SHCBP1: variants seen among roughly 807,000 people sequenced by gnomAD.
SHCBP1 encodes SHC binding and spindle associated 1.
Under a neutral mutation model 75.1 loss-of-function variants are expected in SHCBP1, and 60 were observed. The ratio of observed to expected loss-of-function variants is 0.80; its 90% CI spans 0.65 to 0.99. The LOEUF is 0.99. Among genes scored for constraint, SHCBP1 ranks in the 50% least tolerant of loss-of-function variants. SHCBP1 has a pLI of 0.00. For missense variants in SHCBP1, 709 were observed against 809.4 expected (o/e 0.88, Z 1.50); for synonymous variants, 290 against 293.2 (o/e 0.99, Z 0.11).
intron 8 of SHCBP1, among the ~76,000 whole-genome samples, chr16:46,602,141 C>T (rs914908447): frequency 6.6e-6 from 1 of 152,188 alleles, no homozygotes; most frequent in Non-Finnish European, 1.5e-5. Context: ...AATTTCCTCA[C>T]CAATCTAGGA....
At chr16:46,606,355 C>CT (rs1470095553) in intron 5 of SHCBP1, among the ~76,000 whole-genome samples, 1 of 152,088 alleles carries the variant, frequency 6.6e-6, no homozygotes, top group African/African-American at 2.4e-5. Context: ...GCCCAGAGAC[C>CT]TTTTTTAAGT....
chr16:46,612,501 A>G (rs1396414689), intron 4 of SHCBP1, among the ~76,000 whole-genome samples: 2 of 152,092 alleles, frequency 1.3e-5, no homozygotes, highest in African/African-American at 4.8e-5. Flanking sequence ...AATGAACTTA[A>G]GCATGCCTCT....
chr16:46,599,669 T>TA (rs1555519115), intron 9 of SHCBP1, among the ~76,000 whole-genome samples, 162 bp downstream of exon 9: 4 of 23,154 alleles, frequency 1.7e-4, no homozygotes, highest in African/African-American at 6.7e-4. Flanking sequence ...CTTCAATTTG[T>TA]AAAAAAAAAA....
intron 10 of SHCBP1, among the ~76,000 whole-genome samples, chr16:46,589,234 T>C (rs2142998148): frequency 6.6e-6 from 1 of 152,268 alleles, no homozygotes; most frequent in Middle Eastern, 3.4e-3. Flanking sequence ...GGGCAAAAAC[T>C]GGAAGCATTC....
chr16:46,595,662 G>A lies in SHCBP1; in HGVS notation c.1354C>T (p.Arg452Cys), dbSNP rs751782063. Reference protein sequence around the residue: ...DAVEGILIVHRGKTTLENCVL... With the variant: ...DAVEGILIVHCGKTTLENCVL... ...CAGTTTTCCAGCGTAGTCTTACCACGGTGAACAACTGGGATGAAAATACAC... is the reference window on the plus strand; with the variant it reads ...CAGTTTTCCAGCGTAGTCTTACCACAGTGAACAACTGGGATGAAAATACAC... The change falls in exon 10 of 13, where the codon CGT becomes TGT. Residue 452 changes from arginine to cysteine, a missense_variant. Physicochemically the swap from Arg to Cys is radical, Grantham distance 180. Coordinates refer to ENST00000303383, the MANE Select transcript of SHCBP1 (RefSeq NM_024745.5). The A allele has an allele frequency of 8.7e-6, 14 of 1,612,794 alleles. No homozygotes were observed. Among genetic ancestry groups the A allele is most frequent in the East Asian group, 2.2e-5 (1 of 44,884 alleles).
At chr16:46,615,637 G>A (rs2143002043) in intron 4 of SHCBP1, among the ~76,000 whole-genome samples, 1 of 152,242 alleles carries the variant, frequency 6.6e-6, no homozygotes, top group Middle Eastern at 3.4e-3. Context: ...CTACTCGAGA[G>A]GCTGAGGCAG....
At chr16:46,596,274 G>GGA (rs1406267039) in intron 9 of SHCBP1, among the ~76,000 whole-genome samples, 1 of 151,926 alleles carries the variant, frequency 6.6e-6, no homozygotes, top group East Asian at 2.0e-4. Context: ...GGGAGGCCGA[G>GGA]GGGGGCAGAA....
chr16:46,618,704 C>T (rs543452553), intron 1 of SHCBP1, among the ~76,000 whole-genome samples: 7 of 152,172 alleles, frequency 4.6e-5, no homozygotes, highest in Admixed American at 1.3e-4. Context: ...TGCAGTGGTG[C>T]GATCATAGCT....
At chr16:46,591,809 C>T (rs903146610) in intron 10 of SHCBP1, among the ~76,000 whole-genome samples, 2 of 151,844 alleles carry the variant, frequency 1.3e-5, no homozygotes, top group African/African-American at 2.4e-5. Context: ...GTGTGTTTTC[C>T]GACCACAATG....
chr16:46,588,603 C>T (rs1481895834), intron 10 of SHCBP1, among the ~76,000 whole-genome samples: 23 of 152,050 alleles, frequency 1.5e-4, no homozygotes, highest in Admixed American at 1.5e-3. Context: ...ACACATACAC[C>T]CTCCCAAGAC....
intron 10 of SHCBP1, among the ~76,000 whole-genome samples, chr16:46,591,181 C>T (rs996727032): frequency 5.3e-5 from 8 of 151,752 alleles, no homozygotes; most frequent in South Asian, 2.1e-4. Context: ...GTGAGGGGAG[C>T]GGGGAGGGAT....
chr16:46,619,174 G>A (rs954943802), intron 1 of SHCBP1, among the ~76,000 whole-genome samples: 2 of 152,128 alleles, frequency 1.3e-5, no homozygotes, highest in African/African-American at 2.4e-5. Context: ...TGTATATAAT[G>A]TTTCATAAGG....
At chr16:46,590,755 G>A (rs1451649972) in intron 10 of SHCBP1, among the ~76,000 whole-genome samples, 1 of 152,200 alleles carries the variant, frequency 6.6e-6, no homozygotes, top group Admixed American at 6.5e-5. Context: ...GGAAGACAGT[G>A]TGGCAATTCC....
intron 8 of SHCBP1, 53 bp from the exon 9 acceptor site, chr16:46,600,015 C>A: frequency 6.3e-7 from 1 of 1,597,950 alleles, no homozygotes; most frequent in South Asian, 1.1e-5. Context: ...AACATCTAAA[C>A]GTGAACACTG....
chr16:46,581,883 G>A lies in SHCBP1; in HGVS notation c.1865C>T (p.Ser622Phe), dbSNP rs1964876955. 1 of 1,614,068 alleles carries A rather than the reference G, an allele frequency of 6.2e-7. No individual in the cohort carries two copies. The highest frequency in any genetic ancestry group is 8.5e-7 in the Non-Finnish European group (1 of 1,180,006). Residue 622 changes from serine (S) to phenylalanine (F), a missense_variant, in exon 13 of 13, where the codon TCC becomes TTC. Coordinates refer to ENST00000303383, the MANE Select transcript of SHCBP1 (RefSeq NM_024745.5). The part of the protein sequence containing the change: ...CEIVNELIAA[S>F]TQKGQIKKKR... ...CTTCTTTATCTGGCCTTTCTGTGTG[G>A]AGGCAGCAATTAGTTCATTTACAAT... is the stretch of plus-strand genomic sequence containing the variant.
chr16:46,600,027 A>G (rs1213787480), intron 8 of SHCBP1, 65 bp from the exon 9 acceptor site: 9 of 1,568,822 alleles, frequency 5.7e-6, no homozygotes, highest in Non-Finnish European at 7.8e-6. Context: ...TGAACACTGT[A>G]GAACAAGTTT....
chr16:46,590,530 A>G (rs1444305896), intron 10 of SHCBP1, among the ~76,000 whole-genome samples: 1 of 152,252 alleles, frequency 6.6e-6, no homozygotes, highest in Non-Finnish European at 1.5e-5. Flanking sequence ...ACTTCTCAAA[A>G]GAAGACATTT....
At chr16:46,591,021 C>A (rs1405311855) in intron 10 of SHCBP1, among the ~76,000 whole-genome samples, 2 of 152,176 alleles carry the variant, frequency 1.3e-5, no homozygotes, top group African/African-American at 4.8e-5. Flanking sequence ...TTTGTAGGGA[C>A]ATGGATGAAG....
rs142201278 is a variant in SHCBP1 at position 46,599,851 on chromosome 16, T to A, written c.1325A>T (p.Asp442Val). Residue 442 changes from aspartate (D) to valine (V), a missense_variant, in exon 9 of 13, where the codon GAT becomes GTT. Physicochemically the swap from Asp to Val is radical, Grantham distance 152 (BLOSUM62 -3). Coordinates refer to ENST00000303383, the MANE Select transcript of SHCBP1 (RefSeq NM_024745.5). ...CTTACTTAAGATTCCCTCTACAGCA[T>A]CATGCTGAACAAATTTTATGCCTGA... ...KISGIKFVQH[D>V]AVEGILIVHR... The A allele has an allele frequency of 1.9e-6, 3 of 1,611,096 alleles. No homozygotes were observed. Among genetic ancestry groups the A allele is most frequent in the African/African-American group, 1.3e-5 (1 of 74,850 alleles).
Sources: allele counts gnomAD v4.1 joint callset (sites outside exome capture counted in the v4.1 genomes callset), GRCh38; gene constraint gnomAD v4.1.1; transcripts MANE v1.5; gene names NCBI Gene and HGNC (gene_info 2026-07-23, HGNC 2026-07-21).